Variants in PCDH15 observed in about 807,000 individuals in gnomAD.
PCDH15 encodes protocadherin-15.
Under a neutral mutation model 178.5 loss-of-function variants are expected in PCDH15, and 129 were observed. That is an observed-to-expected ratio of 0.72 (90% CI 0.63 to 0.84). The LOEUF is 0.84. Ranked by LOEUF, PCDH15 falls within the 40% of genes least tolerant of loss-of-function variation. The pLI is 0.00. For synonymous variants in PCDH15, 800 were observed against 732.0 expected, an observed-to-expected ratio of 1.09 and a Z score of -1.50; for missense variants, 2,230 against 2,099.9, an observed-to-expected ratio of 1.06 and a Z score of -1.21.
intron 3 of PCDH15, among the ~76,000 whole-genome samples, chr10:54,830,704 T>C (rs2133750847): frequency 6.6e-6 from 1 of 151,814 alleles, no homozygotes; most frequent in East Asian, 1.9e-4. Flanking sequence ...CTGCACATTA[T>C]GTACATGTAC....
chr10:55,447,337 C>T (rs565253588), intron 2 of PCDH15, among the ~76,000 whole-genome samples: 4 of 152,022 alleles, frequency 2.6e-5, no homozygotes, highest in African/African-American at 9.6e-5. Flanking sequence ...ATTCTATATC[C>T]AGGCAATTTA....
At chr10:55,525,850 G>T (rs1411408063) in intron 2 of PCDH15, among the ~76,000 whole-genome samples, 1 of 151,812 alleles carries the variant, frequency 6.6e-6, no homozygotes, top group East Asian at 1.9e-4. Flanking sequence ...CAATAATGTG[G>T]TGGCAGCAAG....
intron 2 of PCDH15, among the ~76,000 whole-genome samples, chr10:54,609,669 A>G (rs1590483039): frequency 6.6e-6 from 1 of 152,002 alleles, no homozygotes; most frequent in East Asian, 1.9e-4. Context: ...CAGAAAATAT[A>G]CTGCCACTGT....
chr10:55,208,772 T>C (rs1212108697), intron 1 of PCDH15, among the ~76,000 whole-genome samples: 3 of 152,034 alleles, frequency 2.0e-5, no homozygotes, highest in African/African-American at 4.8e-5. Flanking sequence ...TTAAGGAAGC[T>C]TGACAAAATG....
At chr10:54,877,936 C>CTTTTTTTTTTTTT (rs1954176789) in intron 3 of PCDH15, among the ~76,000 whole-genome samples, 2 of 104,348 alleles carry the variant, frequency 1.9e-5, no homozygotes, top group Non-Finnish European at 2.0e-5. Flanking sequence ...CTCTCTCTCT[C>CTTTTTTTTTTTTT]TCTTTTTTTT....
chr10:54,439,593 G>A (rs996299554), intron 3 of PCDH15, among the ~76,000 whole-genome samples: 4 of 151,742 alleles, frequency 2.6e-5, no homozygotes, highest in Non-Finnish European at 5.9e-5. Context: ...GGAAGCAGTG[G>A]GGAAAAAAAT....
intron 29 of PCDH15, among the ~76,000 whole-genome samples, chr10:53,839,160 G>A (rs78921121): frequency 0.059 from 7,545 of 128,956 alleles, 240 homozygotes; most frequent in East Asian, 0.12. Flanking sequence ...GCGAGATTGC[G>A]CCACTGCACT....
At chr10:54,069,534 T>A (rs12256947) in intron 17 of PCDH15, among the ~76,000 whole-genome samples, 32,068 of 152,128 alleles carry the variant, frequency 0.21, 3,590 homozygotes, top group Non-Finnish European at 0.25. Flanking sequence ...TACAGTCACA[T>A]CTATACATAG....
intron 32 of PCDH15, among the ~76,000 whole-genome samples, chr10:53,824,693 G>T (rs935200257): frequency 1.3e-5 from 2 of 151,942 alleles, no homozygotes; most frequent in Admixed American, 6.6e-5. Context: ...ACGAACAACT[G>T]GGATTGATAT....
chr10:55,162,391 A>C (rs1181265543), intron 2 of PCDH15, among the ~76,000 whole-genome samples: 4 of 152,216 alleles, frequency 2.6e-5, no homozygotes. Context: ...CAGAAGTTTT[A>C]GAATTGTGCA....
At chr10:54,842,769 ATC>A (rs139707587) in intron 3 of PCDH15, among the ~76,000 whole-genome samples, 1,757 of 152,022 alleles carry the variant, frequency 0.012, 32 homozygotes, top group African/African-American at 0.038. Context: ...ATATAAAAAA[ATC>A]TCTAGGACAC....
intron 1 of PCDH15, among the ~76,000 whole-genome samples, chr10:54,723,819 C>A (rs1467571173): frequency 6.6e-6 from 1 of 151,628 alleles, no homozygotes; most frequent in South Asian, 2.1e-4. Context: ...CAGAGAAATG[C>A]AAGTTAAAAT....
chr10:54,623,863 G>A (rs779106425), intron 2 of PCDH15, among the ~76,000 whole-genome samples: 1 of 151,912 alleles, frequency 6.6e-6, no homozygotes, highest in Non-Finnish European at 1.5e-5. Flanking sequence ...TTAGCTACTC[G>A]CTTTGATCTG....
chr10:53,995,582 G>A (rs765709990), intron 21 of PCDH15, 67 bp downstream of exon 21: 9 of 1,612,670 alleles, frequency 5.6e-6, no homozygotes, highest in Non-Finnish European at 7.6e-6. Context: ...TTGTGATTCG[G>A]TCATTTATGA....
intron 9 of PCDH15, among the ~76,000 whole-genome samples, chr10:54,232,151 G>C (rs2891507): frequency 0.57 from 86,522 of 152,030 alleles, 27,489 homozygotes; most frequent in Middle Eastern, 0.72. Flanking sequence ...GGAGGGACCT[G>C]GTAGGAGGTC....
chr10:54,061,262 G>A (rs1260032757), intron 18 of PCDH15, among the ~76,000 whole-genome samples: 4 of 152,166 alleles, frequency 2.6e-5, no homozygotes, highest in Admixed American at 1.3e-4. Flanking sequence ...GTGGTCCACA[G>A]TCAAGATATG....
intron 26 of PCDH15, among the ~76,000 whole-genome samples, chr10:53,890,377 G>T (rs567470289): frequency 6.6e-6 from 1 of 152,152 alleles, no homozygotes; most frequent in South Asian, 2.1e-4. Flanking sequence ...AGTGAGCTGA[G>T]ATGGTGCCAC....
chr10:54,185,866 A>C (rs1370714979), intron 11 of PCDH15, among the ~76,000 whole-genome samples: 2 of 152,054 alleles, frequency 1.3e-5, no homozygotes, highest in Non-Finnish European at 2.9e-5. Flanking sequence ...AAAATATTTC[A>C]GATAATTTGA....
At chr10:55,430,444 T>C (rs372179979) in intron 2 of PCDH15, among the ~76,000 whole-genome samples, 1 of 152,208 alleles carries the variant, frequency 6.6e-6, no homozygotes, top group Non-Finnish European at 1.5e-5. Context: ...TTTTGACATG[T>C]AATATTCAGT....
Sources: allele counts gnomAD v4.1 joint callset (sites outside exome capture counted in the v4.1 genomes callset), GRCh38; gene constraint gnomAD v4.1.1; transcripts MANE v1.5; gene names NCBI Gene and HGNC (gene_info 2026-07-23, HGNC 2026-07-21).